The following DGKQ variants were observed in gnomAD, a reference collection of about 807,000 sequenced individuals.
DGKQ encodes the protein DAG kinase theta.
Under a neutral mutation model 104.2 loss-of-function variants are expected in DGKQ, and 97 were observed. The observed-to-expected ratio is 0.93, with a 90% CI of 0.79 to 1.10. DGKQ has a LOEUF of 1.10. DGKQ is among the 50% of genes least tolerant of loss of function. The pLI, the probability that DGKQ is intolerant of heterozygous loss-of-function variation, is 0.00. For missense variants in DGKQ, 1,465 were observed against 1,352.1 expected (o/e 1.08, Z -1.31); for synonymous variants, 736 against 595.2 (o/e 1.24, Z -3.44).
chr4:962,379 G>A, intron 18 of DGKQ, 56 bp downstream of exon 18: 1 of 1,482,900 alleles, frequency 6.7e-7, no homozygotes, highest in Non-Finnish European at 9.0e-7. Context: ...TGTGACGCGT[G>A]TAGCGGGGTC....
chr4:962,412 C>A, intron 18 of DGKQ, 23 bp downstream of exon 18: 1 of 1,535,356 alleles, frequency 6.5e-7, no homozygotes, highest in Non-Finnish European at 8.7e-7. Flanking sequence ...CTGGAAGGCA[C>A]CCCACGCCGG....
At chr4:960,877 T>G in intron 22 of DGKQ, 156 bp from the exon 23 acceptor site, 3 of 985,278 alleles carry the variant, frequency 3.0e-6, no homozygotes, top group Non-Finnish European at 3.6e-6. Context: ...CTGTGCCACC[T>G]GTGGCCCGCC....
At chr4:968,111 A>C in intron 5 of DGKQ, 84 bp from the exon 6 acceptor site, 4 of 941,446 alleles carry the variant, frequency 4.2e-6, no homozygotes, top group Non-Finnish European at 5.6e-6. Flanking sequence ...AAGACCCCAC[A>C]CGACGCAGAC....
chr4:967,209 G>GCCGGAC lies in DGKQ; in HGVS notation c.1134_1139dup (p.Ser379_Gly380dup), dbSNP rs1712446005. 1 of 1,586,368 alleles carries GCCGGAC rather than the reference G, an allele frequency of 6.3e-7. No homozygotes were observed. The highest frequency in any genetic ancestry group is 1.1e-5 in the South Asian group (1 of 87,168). On this transcript the variant is annotated inframe_insertion, in exon 9 of 23. Coordinates refer to ENST00000273814, the MANE Select transcript of DGKQ (RefSeq NM_001347.4). ...TGACCCAGGCCTCTGGCGTGGCCTCGCCGGACCCGGGGCTTCTGCCCTCCT... is the reference window on the plus strand; with the variant it reads ...TGACCCAGGCCTCTGGCGTGGCCTCGCCGGACCCGGACCCGGGGCTTCTGCCCTCCT...
chr4:972,998 A>C (rs1470156104), intron 1 of DGKQ, among the ~76,000 whole-genome samples: 1 of 152,050 alleles, frequency 6.6e-6, no homozygotes, highest in African/African-American at 2.4e-5. Flanking sequence ...CACTATGGAG[A>C]TGCTGTCCGC....
chr4:967,250 T>G lies in DGKQ; in HGVS notation c.1099A>C (p.Ser367Arg), dbSNP rs1374434790. 2 of 1,562,774 alleles carry G rather than the reference T, an allele frequency of 1.3e-6. No homozygotes were observed. Among genetic ancestry groups the G allele is most frequent in the African/African-American group, 2.7e-5 (2 of 73,804 alleles). ...CDAWAGGKAG[S>R]AVISEEGRSP... Reference sequence around the variant, plus strand: ...CTGCCCTCCTCCGAGATCACAGCACTCCCAGCCTTGCCCCCAGCCCAGGCG... The same window carrying G: ...CTGCCCTCCTCCGAGATCACAGCACGCCCAGCCTTGCCCCCAGCCCAGGCG... The change falls in exon 9 of 23, where the codon AGT becomes CGT. Residue 367 changes from serine (S) to arginine (R), a missense_variant. Coordinates refer to ENST00000273814, the MANE Select transcript of DGKQ (RefSeq NM_001347.4).
rs1577490553 is a variant in DGKQ, at chr4:971,145, C to T, written c.272-73G>A. 2 of 1,202,716 alleles carry T rather than the reference C, an allele frequency of 1.7e-6. No individual in the cohort carries two copies. The highest frequency in any genetic ancestry group is 2.0e-5 in the Admixed American group (1 of 49,698). The allele number at this position is 1,202,716 out of a possible 1,614,324, so 74.5% of individuals were successfully genotyped here. ...CTGTCCTACCCAGGAAGTTAGAGGC[C>T]CCAGGGCAATGACTGCCATACCCAC... On this transcript the variant is annotated intron_variant, in intron 1 of 22. Coordinates refer to ENST00000273814, the MANE Select transcript of DGKQ (RefSeq NM_001347.4). The surrounding 1 kb of genome is among the most constrained non-coding windows in gnomAD (Gnocchi z 4.0).
rs1711724855 is a variant in DGKQ at position 959,618 on chromosome 4, G to C, written c.*1002C>G. 6.6e-6 allele frequency: 1 copy of C among 152,438 alleles called. No individual in the cohort carries two copies. The highest frequency in any genetic ancestry group is 1.5e-5 in the Non-Finnish European group (1 of 68,154). 9.4% of individuals were successfully genotyped at this position (152,438 alleles called of 1,614,324 possible). On this transcript the variant is annotated 3_prime_UTR_variant, in exon 23 of 23. Coordinates refer to ENST00000273814, the MANE Select transcript of DGKQ (RefSeq NM_001347.4). ...CGCTGACGAGGGATAGGACTGAGCAGATGTCGGCTCACACAGGCACTGGGA... is the reference window on the plus strand; with the variant it reads ...CGCTGACGAGGGATAGGACTGAGCACATGTCGGCTCACACAGGCACTGGGA...
In DGKQ at chr4:965,974, A is replaced by C; in HGVS notation, c.1533T>G (p.Ser511=). ...LFVGGLPPGL[S]PEEYSSLLHE... ...GCAGCAGGCTGCTGTACTCCTCGGG[A>C]GACAGGCCGGGAGGCAGGCCGCCAA... Residue 511 remains serine (S), a synonymous_variant, in exon 13 of 23, where the codon TCT becomes TCG. Transcript: ENST00000273814. 1.2e-6 allele frequency: 2 copies of C among 1,605,838 alleles called. No homozygotes were observed. The highest frequency in any genetic ancestry group is 1.7e-6 in the Non-Finnish European group (2 of 1,176,990).
At position 967,109 on chromosome 4, in the gene DGKQ, A is replaced by AG. The variant is rs1218960169; in HGVS notation, c.1220+19dup. The AG allele has an allele frequency of 1.3e-6, 2 of 1,560,286 alleles. No individual in the cohort carries two copies. Among genetic ancestry groups the AG allele is most frequent in the African/African-American group, 2.7e-5 (2 of 73,620 alleles). ...CCCCCACCCCGCCCAGCAGACCCTG[A>AG]GCCTCGGGCCCAGTCTCACTTGAGC... On this transcript the variant is annotated intron_variant, in intron 9 of 22. Transcript: ENST00000273814.
intron 22 of DGKQ, 124 bp from the exon 23 acceptor site, chr4:960,845 G>A: frequency 1.3e-6 from 2 of 1,490,630 alleles, no homozygotes; most frequent in Non-Finnish European, 1.8e-6. Flanking sequence ...CACGGAAGGG[G>A]AGGGACCTGT....
chr4:967,225 C>T lies in DGKQ; in HGVS notation c.1124G>A (p.Arg375Lys). Residue 375 changes from arginine to lysine, a missense_variant, in exon 9 of 23, where the codon AGA (arginine) becomes AAA (lysine). Coordinates refer to ENST00000273814, the MANE Select transcript of DGKQ (RefSeq NM_001347.4). ...CGTGGCCTCGCCGGACCCGGGGCTTCTGCCCTCCTCCGAGATCACAGCACT... is the reference window on the plus strand; with the variant it reads ...CGTGGCCTCGCCGGACCCGGGGCTTTTGCCCTCCTCCGAGATCACAGCACT... ...AGSAVISEEGRSPGSGEATPE... is the reference protein window; with the variant it reads ...AGSAVISEEGKSPGSGEATPE... The T allele has an allele frequency of 6.3e-7, 1 of 1,577,688 alleles. No individual in the cohort carries two copies. The highest frequency in any genetic ancestry group is 8.6e-7 in the Non-Finnish European group (1 of 1,163,862).
In DGKQ at chr4:965,927, C is replaced by T; in HGVS notation, c.1579+1G>A. ...CCCACGGCCAGCCACAGTGGTCACA[C>T]CTTTGGTAGCCCCGGCCTCATGCAG... On this transcript the variant is annotated splice_donor_variant, in intron 13 of 22. Transcript: ENST00000273814. LOFTEE classifies it high-confidence loss of function. The T allele has an allele frequency of 6.3e-7, 1 of 1,597,408 alleles. No homozygotes were observed. The highest frequency in any genetic ancestry group is 8.5e-7 in the Non-Finnish European group (1 of 1,171,362).
chr4:967,415 G>T, intron 8 of DGKQ, 54 bp from the exon 9 acceptor site: 1 of 1,349,396 alleles, frequency 7.4e-7, no homozygotes, highest in Non-Finnish European at 1.0e-6. Context: ...GCGGGGTTCA[G>T]TGGGGGGCAG....
rs781457939 is a variant in DGKQ, at chr4:962,756, G to A, written c.2035+16C>T. On this transcript the variant is annotated intron_variant, in intron 17 of 22. Coordinates refer to ENST00000273814, the MANE Select transcript of DGKQ (RefSeq NM_001347.4). ...AGACCCTGAGGCCCCCTCCTCGGCT[G>A]CACGGCTGAGCCCACCTGTGCCCAG... 1.2e-6 allele frequency: 2 copies of A among 1,601,438 alleles called. No homozygotes were observed. The highest frequency in any genetic ancestry group is 1.7e-6 in the Non-Finnish European group (2 of 1,174,760).
rs1487659168 is a variant in DGKQ, at chr4:960,484, T to G, written c.*136A>C. 1.4e-6 allele frequency: 1 copy of G among 732,096 alleles called. No individual in the cohort carries two copies. The allele number at this position is 732,096 out of a possible 1,614,324, so 45.4% of individuals were successfully genotyped here. ...GGGTCCCGCTCCGTCACTGGGAAGA[T>G]GCTGTGGTCAGGGCTGTAGCCAGGT... On this transcript the variant is annotated 3_prime_UTR_variant, in exon 23 of 23. Transcript: ENST00000273814.
chr4:961,431 C>T, intron 21 of DGKQ, 36 bp downstream of exon 21: 1 of 1,554,804 alleles, frequency 6.4e-7, no homozygotes, highest in South Asian at 1.2e-5. Context: ...GGGACGCCCA[C>T]CCTGGGCTCG....
chr4:961,822 C>A lies in DGKQ; in HGVS notation c.2328G>T (p.Lys776Asn). Residue 776 changes from lysine (K) to asparagine (N), a missense_variant, in exon 20 of 23, where the codon AAG (lysine) becomes AAT (asparagine). By Grantham distance (94) the Lys-to-Asn change is moderately conservative. Coordinates refer to ENST00000273814, the MANE Select transcript of DGKQ (RefSeq NM_001347.4). ...GCAGCCCCACCCGCACGTACACACC[C>A]TTGTTGTGCAGCCTGCAGGACGGGG... The part of the protein sequence containing the change: ...PGKFTSRLHN[K>N]GVYVRVGLQK... The A allele has an allele frequency of 6.2e-7, 1 of 1,601,714 alleles. No homozygotes were observed.
rs375273545 is a variant in DGKQ at position 965,157 on chromosome 4, G to T, written c.1734+19C>A. On this transcript the variant is annotated intron_variant, in intron 15 of 22. Transcript: ENST00000273814. ...CACCCCCTGGGGTGTGTGAAGAGCC[G>T]GCTTGACCGCACACTCACCAGCAGG... 3 of 1,607,964 alleles carry T rather than the reference G, an allele frequency of 1.9e-6. No individual in the cohort carries two copies. In the South Asian group the frequency reaches 3.3e-5, roughly 18 times the overall value.
Sources: gnomAD v4.1 joint callset for allele counts (sites outside exome capture counted in the v4.1 genomes callset) on GRCh38, gnomAD v4.1.1 for gene constraint, Gnocchi (gnomAD v3.1) non-coding constraint, MANE v1.5 for transcripts, NCBI Gene and HGNC (gene_info 2026-07-23, HGNC 2026-07-21) for gene names.